The following MTUS2 variants were observed in gnomAD, a reference collection of about 807,000 sequenced individuals.
MTUS2 encodes the protein microtubule associated scaffold protein 2, also known as microtubule-associated tumor suppressor candidate 2.
Under a neutral mutation model 114.1 loss-of-function variants are expected in MTUS2, and 40 were observed. That is an observed-to-expected ratio of 0.35 (90% CI 0.27 to 0.46). The LOEUF is 0.46. Among genes scored for constraint, MTUS2 ranks in the 20% least tolerant of loss-of-function variants. The probability of loss-of-function intolerance (pLI) is 1.00; values close to 1 mark genes in which losing one functional copy is unlikely to be tolerated. For synonymous variants in MTUS2, 688 were observed against 672.0 expected, an observed-to-expected ratio of 1.02 and a Z score of -0.37; for missense variants, 1,679 against 1,705.4, an observed-to-expected ratio of 0.98 and a Z score of 0.27.
intron 12 of MTUS2, among the ~76,000 whole-genome samples, chr13:29,494,809 G>C (rs1882418375): frequency 6.6e-6 from 1 of 151,822 alleles, no homozygotes; most frequent in Non-Finnish European, 1.5e-5. Context: ...GAGGTCGAGG[G>C]GGGCAGATCA....
intron 5 of MTUS2, among the ~76,000 whole-genome samples, chr13:29,185,198 A>G (rs1470542899): frequency 6.6e-6 from 1 of 152,088 alleles, no homozygotes; most frequent in African/African-American, 2.4e-5. Flanking sequence ...AGAATCACGT[A>G]TATTGAAGAC....
chr13:29,441,478 G>A (rs1185968173), intron 9 of MTUS2, among the ~76,000 whole-genome samples: 3 of 152,244 alleles, frequency 2.0e-5, no homozygotes, highest in African/African-American at 7.2e-5. Flanking sequence ...CACAGTGACA[G>A]CTGCAGTGAT....
chr13:29,221,949 C>A (rs1352290811), intron 5 of MTUS2, among the ~76,000 whole-genome samples: 1 of 151,928 alleles, frequency 6.6e-6, no homozygotes, highest in African/African-American at 2.4e-5. Flanking sequence ...ATTTTATTTT[C>A]TTTTTAGAGA....
chr13:28,898,814 A>G (rs1010838617), intron 2 of MTUS2, among the ~76,000 whole-genome samples: 7 of 152,242 alleles, frequency 4.6e-5, no homozygotes, highest in African/African-American at 1.7e-4. Context: ...AATTTTTGGC[A>G]TTTAAATGCT....
intron 4 of MTUS2, among the ~76,000 whole-genome samples, chr13:29,068,974 T>G (rs115921236): frequency 0.011 from 1,597 of 151,696 alleles, 26 homozygotes; most frequent in African/African-American, 0.037. Flanking sequence ...AGGAGTGGAG[T>G]AGGGTAGGGT....
At chr13:29,396,368 A>C (rs1873916836) in intron 8 of MTUS2, among the ~76,000 whole-genome samples, 1 of 152,206 alleles carries the variant, frequency 6.6e-6, no homozygotes, top group African/African-American at 2.4e-5. Context: ...CAGAGTCACT[A>C]TCAGCTGAGC....
intron 5 of MTUS2, among the ~76,000 whole-genome samples, chr13:29,273,921 G>A (rs1464265185): frequency 6.6e-6 from 1 of 152,118 alleles, no homozygotes; most frequent in African/African-American, 2.4e-5. Flanking sequence ...TCATTCATCA[G>A]TCGATGGGGG....
chr13:28,927,572 A>G (rs558328486), intron 2 of MTUS2, among the ~76,000 whole-genome samples: 11 of 152,304 alleles, frequency 7.2e-5, no homozygotes, highest in African/African-American at 2.6e-4. Flanking sequence ...TCTCTTAAAA[A>G]ATGAATTACA....
chr13:29,058,566 C>CT (rs61090328), intron 4 of MTUS2, among the ~76,000 whole-genome samples: 1 of 116,668 alleles, frequency 8.6e-6, no homozygotes, highest in African/African-American at 3.4e-5. Flanking sequence ...CAGGTTGATG[C>CT]TTTTTTTTTT....
chr13:28,821,303 A>G (rs962711685), intron 1 of MTUS2, among the ~76,000 whole-genome samples: 18 of 152,200 alleles, frequency 1.2e-4, no homozygotes, highest in African/African-American at 3.4e-4. Context: ...TAAAAAAGTC[A>G]TTAGGTATAA....
At chr13:28,975,106 A>G (rs1011543029) in intron 2 of MTUS2, among the ~76,000 whole-genome samples, 2 of 152,204 alleles carry the variant, frequency 1.3e-5, no homozygotes, top group African/African-American at 4.8e-5. Flanking sequence ...TTCTAGAACA[A>G]TTAAGGCTCT....
At chr13:29,325,043 G>A (rs1378572463) in intron 7 of MTUS2, among the ~76,000 whole-genome samples, 1 of 152,216 alleles carries the variant, frequency 6.6e-6, no homozygotes, top group Non-Finnish European at 1.5e-5. Context: ...CTAAAAGGAA[G>A]AAGAACAGAG....
chr13:29,227,415 G>T (rs890563783), intron 5 of MTUS2, among the ~76,000 whole-genome samples: 1 of 152,138 alleles, frequency 6.6e-6, no homozygotes, highest in Admixed American at 6.5e-5. Context: ...TGTGTCTGTA[G>T]CACCCAGGCA....
chr13:29,032,245 C>T (rs17072573), intron 3 of MTUS2, among the ~76,000 whole-genome samples: 6,454 of 152,224 alleles, frequency 0.042, 451 homozygotes, highest in African/African-American at 0.14. Flanking sequence ...AACAAAATGA[C>T]AGGCATTGAA....
At chr13:28,877,872 A>G (rs1277851401) in intron 2 of MTUS2, among the ~76,000 whole-genome samples, 3 of 152,138 alleles carry the variant, frequency 2.0e-5, no homozygotes, top group Admixed American at 6.5e-5. Flanking sequence ...CTGATTCTCT[A>G]TGCTGGTGTT....
chr13:28,956,269 C>T (rs1384715917), intron 2 of MTUS2, among the ~76,000 whole-genome samples: 2 of 152,110 alleles, frequency 1.3e-5, no homozygotes, highest in Admixed American at 1.3e-4. Flanking sequence ...ATGGTTGTCA[C>T]TAGCTTTTTT....
In MTUS2 at chr13:29,318,426, G is replaced by A. The variant is rs535681761; in HGVS notation, c.2807-6187G>A. ...TTGAGATGACAGCCTCGTCCTCAGA[G>A]TGAGCCGTTATTCTTGTTTATGTTC... On this transcript the variant is annotated intron_variant, in intron 6 of 15. Coordinates refer to ENST00000612955, the MANE Select transcript of MTUS2 (RefSeq NM_001033602.4). Among the ~76,000 whole-genome samples, 252 of 121,214 alleles carry A rather than the reference G, an allele frequency of 2.1e-3. 1 individual carries two copies. The highest frequency in any genetic ancestry group is 8.0e-3 in the African/African-American group (247 of 30,726). 79.5% of individuals were successfully genotyped at this position (121,214 alleles called of 152,430 possible).
chr13:29,267,295 T>A (rs992270075), intron 5 of MTUS2, among the ~76,000 whole-genome samples: 7 of 152,242 alleles, frequency 4.6e-5, no homozygotes, highest in African/African-American at 1.7e-4. Context: ...TTGTTGTAAA[T>A]GCCAACTCCT....
intron 2 of MTUS2, among the ~76,000 whole-genome samples, chr13:28,983,103 G>A (rs567815739): frequency 1.3e-5 from 2 of 152,290 alleles, no homozygotes; most frequent in East Asian, 3.9e-4. Context: ...AAGCCAGCAG[G>A]TTTTTTACCT....
Sources: allele counts gnomAD v4.1 joint callset (sites outside exome capture counted in the v4.1 genomes callset), GRCh38; gene constraint gnomAD v4.1.1; transcripts MANE v1.5; gene names NCBI Gene and HGNC (gene_info 2026-07-23, HGNC 2026-07-21).